Variants in POLA2 observed in about 807,000 individuals in gnomAD.
POLA2 encodes DNA polymerase alpha subunit B.
POLA2 carries 47 observed loss-of-function variants against 82.8 expected under a neutral mutation model. The ratio of observed to expected loss-of-function variants is 0.57; its 90% CI spans 0.45 to 0.72. The LOEUF is 0.72. Among genes scored for constraint, POLA2 ranks in the 30% least tolerant of loss-of-function variants. POLA2 has a pLI of 0.00. For missense variants in POLA2, 634 were observed against 728.1 expected, an observed-to-expected ratio of 0.87 and a Z score of 1.49; for synonymous variants, 287 against 286.8, an observed-to-expected ratio of 1.00 and a Z score of -0.01.
intron 1 of POLA2, among the ~76,000 whole-genome samples, chr11:65,265,300 G>A (rs1208580401): frequency 6.7e-6 from 1 of 150,320 alleles, no homozygotes; most frequent in African/African-American, 2.5e-5. Flanking sequence ...AAGTTCTTTT[G>A]TTGCCACCAC....
At chr11:65,275,866 A>G in intron 4 of POLA2, 26 bp from the exon 5 acceptor site, 11 of 1,381,146 alleles carry the variant, frequency 8.0e-6, no homozygotes, top group Non-Finnish European at 1.0e-5. Context: ...TAGGACTGAG[A>G]TTTTGTTTTC....
chr11:65,300,044 C>T (rs1235202404), downstream of POLA2, among the ~76,000 whole-genome samples: 3 of 152,118 alleles, frequency 2.0e-5, no homozygotes, highest in South Asian at 2.1e-4. Context: ...GTGCAGGCCT[C>T]GCCACCATCT....
chr11:65,297,279 C>CCTCTGCTGTT lies in POLA2; in HGVS notation c.*20_*29dup, dbSNP rs751785556. ...GGTCGTCAGGATCTGAGGCTTCTGT[C>CCTCTGCTGTT]CTCTGCTGTTCTCTGCTGTGTGGGC... On this transcript the variant is annotated 3_prime_UTR_variant, in exon 18 of 18. Coordinates refer to ENST00000265465, the MANE Select transcript of POLA2 (RefSeq NM_002689.4). The CCTCTGCTGTT allele has an allele frequency of 6.3e-7, 1 of 1,596,378 alleles. No homozygotes were observed. The highest frequency in any genetic ancestry group is 8.5e-7 in the Non-Finnish European group (1 of 1,171,444).
At chr11:65,296,299 T>G in intron 17 of POLA2, 1 of 284,034 alleles carries the variant, frequency 3.5e-6, no homozygotes, top group South Asian at 4.0e-5. Context: ...AGATTTCATA[T>G]GTACACTTGC....
intron 7 of POLA2, 130 bp downstream of exon 7, chr11:65,279,756 T>C: frequency 3.0e-6 from 2 of 657,858 alleles, no homozygotes; most frequent in Admixed American, 3.0e-5. Flanking sequence ...TTGGTTGAAT[T>C]TGGGAAAATG....
chr11:65,299,799 C>A (rs1949849605), downstream of POLA2, among the ~76,000 whole-genome samples: 1 of 151,962 alleles, frequency 6.6e-6, no homozygotes, highest in South Asian at 2.1e-4. Flanking sequence ...TCAAGCGATT[C>A]TCCTGCCTCA....
downstream of POLA2, among the ~76,000 whole-genome samples, chr11:65,301,283 C>T (rs746078791): frequency 6.6e-6 from 1 of 152,162 alleles, no homozygotes; most frequent in Non-Finnish European, 1.5e-5. Flanking sequence ...GCATTTGGAC[C>T]TGATTCTTTC....
rs545903133 is a variant in POLA2 at position 65,278,382 on chromosome 11, A to G, written c.462-348A>G. Among the ~76,000 whole-genome samples, 8 of 152,370 alleles carry G rather than the reference A, an allele frequency of 5.3e-5. No homozygotes were observed. The East Asian group carries it at 1.2e-3, about 22-fold the overall frequency. On this transcript the variant is annotated intron_variant, in intron 5 of 17. Coordinates refer to ENST00000265465, the MANE Select transcript of POLA2 (RefSeq NM_002689.4). ...CAATAAATGCTAAAAATTCATGAGA[A>G]GAAAAAAATGGGACTTAAAGTTTGC...
chr11:65,288,950 A>T (rs1461789355), intron 11 of POLA2, 100 bp from the exon 12 acceptor site: 4 of 1,099,760 alleles, frequency 3.6e-6, no homozygotes, highest in East Asian at 4.8e-5. Flanking sequence ...GGGACAGATG[A>T]GCCCTCCACA....
intron 4 of POLA2, among the ~76,000 whole-genome samples, chr11:65,271,942 G>A (rs951582837): frequency 4.6e-5 from 7 of 152,016 alleles, no homozygotes; most frequent in Non-Finnish European, 1.0e-4. Flanking sequence ...TACGTAAAAT[G>A]CTTAGAACAG....
chr11:65,285,609 A>G (rs1024559816), intron 10 of POLA2, among the ~76,000 whole-genome samples: 2 of 151,956 alleles, frequency 1.3e-5, no homozygotes, highest in Admixed American at 1.3e-4. Flanking sequence ...AAAAAAAGAA[A>G]ATACAAATTT....
chr11:65,263,220 CTTTTTT>C (rs547474910), intron 1 of POLA2, among the ~76,000 whole-genome samples: 7 of 123,202 alleles, frequency 5.7e-5, no homozygotes, highest in Non-Finnish European at 8.3e-5. Flanking sequence ...CTCTCTCTCT[CTTTTTT>C]TTTTTTTTTT....
At position 65,297,445 on chromosome 11, in the gene POLA2, C is replaced by A; in HGVS notation, c.*176C>A. On this transcript the variant is annotated 3_prime_UTR_variant, in exon 18 of 18. Coordinates refer to ENST00000265465, the MANE Select transcript of POLA2 (RefSeq NM_002689.4). ...GGAGGACTTGTGCAGCCGGGCCTGC[C>A]TCTGAGTGGTGCCTCTCCTGGAAGG... 1.6e-6 allele frequency: 1 copy of A among 620,660 alleles called. No individual in the cohort carries two copies. Among genetic ancestry groups the A allele is most frequent in the Non-Finnish European group, 2.5e-6 (1 of 394,888 alleles). 38.4% of individuals were successfully genotyped at this position (620,660 alleles called of 1,614,324 possible).
intron 4 of POLA2, among the ~76,000 whole-genome samples, chr11:65,274,210 G>T (rs1368989646): frequency 6.6e-6 from 1 of 151,586 alleles, no homozygotes; most frequent in African/African-American, 2.4e-5. Context: ...AAATTAGCTG[G>T]GCGTGGTGGT....
At chr11:65,304,062 G>T (rs1949872591) in intron 8 of POLA2, among the ~76,000 whole-genome samples, 1 of 152,128 alleles carries the variant, frequency 6.6e-6, no homozygotes, top group African/African-American at 2.4e-5. Flanking sequence ...GTTGTGGTGG[G>T]TGCTGCACAG....
Position 65,267,568 on chromosome 11 carries a change from T to C in POLA2, c.296T>C (p.Leu99Pro). 3.8e-6 allele frequency: 6 copies of C among 1,590,564 alleles called. No homozygotes were observed. The highest frequency in any genetic ancestry group is 4.3e-6 in the Non-Finnish European group (5 of 1,161,574). ...AGAGACATTGTTTCCATTCAAGAGC[T>C]GTATCCTTTTCTGCTGAAGGTCTTT... ...GARDIVSIQE[L>P]IEVEEEEEIL... The change falls in exon 3 of 18, where the codon CTA becomes CCA. Residue 99 changes from leucine to proline, a missense_variant and splice_region_variant. By Grantham distance (98) the Leu-to-Pro change is moderately conservative. Transcript: ENST00000265465.
chr11:65,289,531 G>C (rs55731435), intron 12 of POLA2, among the ~76,000 whole-genome samples: 1 of 152,188 alleles, frequency 6.6e-6, no homozygotes, highest in Non-Finnish European at 1.5e-5. Flanking sequence ...TTCGTCTCAC[G>C]ATACTTTACC....
In POLA2 at chr11:65,295,591, C is replaced by T; in HGVS notation, c.1512C>T (p.Thr504=). The change falls in exon 16 of 18, where the codon ACC becomes ACT. Residue 504 remains threonine, a synonymous_variant. Coordinates refer to ENST00000265465, the MANE Select transcript of POLA2 (RefSeq NM_002689.4). Reference sequence around the variant, plus strand: ...GCCGAATACTCAAGCACATCTTGACCCAGAGGAGGTGAGCTTGCCGCTGGG... The same window carrying T: ...GCCGAATACTCAAGCACATCTTGACTCAGAGGAGGTGAGCTTGCCGCTGGG... ...RFSRILKHIL[T]QRSYYPLYPP... 2 of 1,613,448 alleles carry T rather than the reference C, an allele frequency of 1.2e-6. No homozygotes were observed. The highest frequency in any genetic ancestry group is 1.7e-6 in the Non-Finnish European group (2 of 1,179,610).
chr11:65,291,398 C>T (rs1949753772), intron 13 of POLA2, among the ~76,000 whole-genome samples: 1 of 152,202 alleles, frequency 6.6e-6, no homozygotes, highest in Admixed American at 6.5e-5. Context: ...GAACATCCCC[C>T]AACTCACCCC....
Sources: gnomAD v4.1 joint callset for allele counts (sites outside exome capture counted in the v4.1 genomes callset) on GRCh38, gnomAD v4.1.1 for gene constraint, MANE v1.5 for transcripts, NCBI Gene and HGNC (gene_info 2026-07-23, HGNC 2026-07-21) for gene names.